ZAN: variants seen among roughly 807,000 people sequenced by gnomAD.
ZAN encodes zonadhesin (gene/pseudogene).
In ZAN, 260 loss-of-function variants were observed where a neutral mutation model predicts 286.2. The ratio of observed to expected loss-of-function variants is 0.91; its 90% CI spans 0.82 to 1.01. The LOEUF is 1.01. ZAN is among the 50% of genes least tolerant of loss of function. The pLI is 0.00. For missense variants in ZAN, 3,410 were observed against 3,639.2 expected, an observed-to-expected ratio of 0.94 and a Z score of 1.62; for synonymous variants, 1,368 against 1,417.5, an observed-to-expected ratio of 0.97 and a Z score of 0.79.
At chr7:100,764,415 A>G (rs1236721115) in intron 22 of ZAN, among the ~76,000 whole-genome samples, 2 of 152,110 alleles carry the variant, frequency 1.3e-5, no homozygotes, top group Non-Finnish European at 2.9e-5. Context: ...GAATCGCTTG[A>G]ACCCGGGAGG....
At chr7:100,775,037 C>T (rs1378830597) in intron 31 of ZAN, among the ~76,000 whole-genome samples, 1 of 152,176 alleles carries the variant, frequency 6.6e-6, no homozygotes, top group Non-Finnish European at 1.5e-5. Context: ...AAGCGATTCT[C>T]CTGCCTCAGC....
At chr7:100,747,481 T>G in intron 8 of ZAN, 69 bp from the exon 9 acceptor site, 1 of 1,319,836 alleles carries the variant, frequency 7.6e-7, no homozygotes, top group East Asian at 2.3e-5. Context: ...CTCATCCTCC[T>G]AGGTATAGTT....
At chr7:100,738,350 C>A in intron 6 of ZAN, 111 bp from the exon 7 acceptor site, 1 of 1,074,950 alleles carries the variant, frequency 9.3e-7, no homozygotes, top group South Asian at 1.4e-5. Context: ...TCCAGGAGTT[C>A]GAGGCCGCAG....
Position 100,788,093 on chromosome 7 carries a change from T to C in ZAN, c.7184T>C (p.Val2395Ala). The change falls in exon 38 of 48, where the codon GTC becomes GCC. Residue 2395 changes from valine (V) to alanine (A), a missense_variant. By Grantham distance (64) the Val-to-Ala change is moderately conservative. Transcript: ENST00000613979. Reference protein sequence around the residue: ...SIFLQEVITTVYGYKVQLQAG... With the variant: ...SIFLQEVITTAYGYKVQLQAG... Reference sequence around the variant, plus strand: ...TTCTTGCAGGAAGTGATTACCACCGTCTACGGCTATAAAGTGCAGCTCCAA... The same window carrying C: ...TTCTTGCAGGAAGTGATTACCACCGCCTACGGCTATAAAGTGCAGCTCCAA... 6.4e-7 allele frequency: 1 copy of C among 1,565,964 alleles called. No homozygotes were observed.
rs1286862576 is a variant in ZAN at position 100,767,066 on chromosome 7, T to G, written c.4669T>G (p.Leu1557Val). The change falls in exon 25 of 48, where the codon TTG becomes GTG. Residue 1557 changes from leucine to valine, a missense_variant. Transcript: ENST00000613979. ...DPHYLTFDGA[L>V]HHFMGTCTYV... is the part of the protein sequence containing the mutation. Reference sequence around the variant, plus strand: ...CCACTACCTGACCTTCGATGGCGCCTTGCACCACTTCATGGGCACCTGCAC... The same window carrying G: ...CCACTACCTGACCTTCGATGGCGCCGTGCACCACTTCATGGGCACCTGCAC... 1 of 1,613,798 alleles carries G rather than the reference T, an allele frequency of 6.2e-7. No individual in the cohort carries two copies. The highest frequency in any genetic ancestry group is 8.5e-7 in the Non-Finnish European group (1 of 1,179,818).
At chr7:100,793,326 G>A (rs1184362273) in intron 42 of ZAN, among the ~76,000 whole-genome samples, 1 of 151,658 alleles carries the variant, frequency 6.6e-6, no homozygotes, top group Non-Finnish European at 1.5e-5. Flanking sequence ...CTGGGCAACA[G>A]AGTGACTCCA....
At chr7:100,751,135 G>A in intron 12 of ZAN, 47 bp from the exon 13 acceptor site, 1 of 1,482,992 alleles carries the variant, frequency 6.7e-7, no homozygotes, top group East Asian at 2.3e-5. Flanking sequence ...AGTTGCTGGA[G>A]ATTCATTTTT....
At chr7:100,760,647 T>C (rs746188251) in intron 19 of ZAN, 111 bp downstream of exon 19, 67 of 1,455,266 alleles carry the variant, frequency 4.6e-5, no homozygotes, top group Non-Finnish European at 6.1e-5. Flanking sequence ...CTGGCACCAC[T>C]ACTTGATCCT....
At chr7:100,796,159 C>G (rs941256904) in intron 45 of ZAN, among the ~76,000 whole-genome samples, 1 of 152,078 alleles carries the variant, frequency 6.6e-6, no homozygotes, top group Admixed American at 6.6e-5. Context: ...GTGAAATCTT[C>G]TCTCTGAAGC....
chr7:100,749,677 C>T (rs767377988), intron 11 of ZAN, among the ~76,000 whole-genome samples: 2,036 of 127,444 alleles, frequency 0.016, 26 homozygotes, highest in Non-Finnish European at 0.02. Context: ...TATATATATA[C>T]ACACACACAC....
chr7:100,778,943 G>C (rs561885087), intron 34 of ZAN, among the ~76,000 whole-genome samples: 14 of 151,524 alleles, frequency 9.2e-5, no homozygotes, highest in African/African-American at 3.4e-4. Context: ...TAAGGCAGGA[G>C]AATCGCTTTA....
At chr7:100,751,594 G>A in intron 13 of ZAN, 118 bp from the exon 14 acceptor site, 1 of 1,121,068 alleles carries the variant, frequency 8.9e-7, no homozygotes, top group Non-Finnish European at 1.2e-6. Context: ...TGGGGTTTGG[G>A]AGTAGAAAGA....
Position 100,775,874 on chromosome 7 carries a change from C to T in ZAN, c.6192+41C>T, listed in dbSNP as rs1244602152. ...GGCTCTTCTCGCTGGGGAGGCAGCCCCAGGGAGATTGGTGGCCGGCAGGGA... is the reference window on the plus strand; with the variant it reads ...GGCTCTTCTCGCTGGGGAGGCAGCCTCAGGGAGATTGGTGGCCGGCAGGGA... On this transcript the variant is annotated intron_variant, in intron 33 of 47. Transcript: ENST00000613979. 3 of 1,602,362 alleles carry T rather than the reference C, an allele frequency of 1.9e-6. No individual in the cohort carries two copies. In the Admixed American group the frequency reaches 5.1e-5, roughly 27 times the overall value.
At position 100,758,558 on chromosome 7, in the gene ZAN, G is replaced by C. The variant is rs1441800391; in HGVS notation, c.3479G>C (p.Gly1160Ala). Residue 1160 changes from glycine to alanine, a missense_variant, in exon 17 of 48, where the codon GGA becomes GCA. Gly to Ala is a moderately conservative substitution (Grantham distance 60, BLOSUM62 0). Coordinates refer to ENST00000613979, the MANE Select transcript of ZAN (RefSeq NM_003386.3). ...GGCACTGCCACCTGCTTGGTCTACGGAGACCCTCATTATGTCACCTTTGAC... is the reference window on the plus strand; with the variant it reads ...GGCACTGCCACCTGCTTGGTCTACGCAGACCCTCATTATGTCACCTTTGAC... ...YAGTATCLVY[G>A]DPHYVTFDGR... 6.4e-7 allele frequency: 1 copy of C among 1,563,828 alleles called. No homozygotes were observed. Among genetic ancestry groups the C allele is most frequent in the Admixed American group, 1.9e-5 (1 of 52,304 alleles).
intron 33 of ZAN, 82 bp downstream of exon 33, chr7:100,775,915 G>A: frequency 8.4e-6 from 13 of 1,540,156 alleles, no homozygotes; most frequent in South Asian, 1.3e-5. Context: ...GGCAGTGTTC[G>A]CATCGTGCCT....
rs750922272 is a variant in ZAN, at chr7:100,791,007, C to G, written c.7423C>G (p.Arg2475Gly). Residue 2475 changes from arginine (R) to glycine (G), a missense_variant, in exon 40 of 48, where the codon CGC (arginine) becomes GGC (glycine). Arg to Gly is a moderately radical substitution (Grantham distance 125). Transcript: ENST00000613979. Reference sequence around the variant, plus strand: ...CCTGTGCGGAAACTACGACAAGAACCGCAAGAATGACATGATGCTGCCCAG... The same window carrying G: ...CCTGTGCGGAAACTACGACAAGAACGGCAAGAATGACATGATGCTGCCCAG... ...SGLCGNYDKNRKNDMMLPSGA... is the reference protein window; with the variant it reads ...SGLCGNYDKNGKNDMMLPSGA... 1 of 1,612,328 alleles carries G rather than the reference C, an allele frequency of 6.2e-7. No individual in the cohort carries two copies. Among genetic ancestry groups the G allele is most frequent in the Non-Finnish European group, 8.5e-7 (1 of 1,179,328 alleles).
intron 14 of ZAN, among the ~76,000 whole-genome samples, chr7:100,754,195 ACG>A (rs1808987666): frequency 6.6e-6 from 1 of 152,114 alleles, no homozygotes. Context: ...ACGGTGGCTC[ACG>A]CCTGTAATCC....
At chr7:100,762,678 GC>G (rs2115988585) in intron 20 of ZAN, among the ~76,000 whole-genome samples, 1 of 151,442 alleles carries the variant, frequency 6.6e-6, no homozygotes, top group Admixed American at 6.6e-5. Context: ...ACCTGCCTTG[GC>G]CTCTCAAAGT....
At chr7:100,746,848 G>A (rs1808255770) in intron 8 of ZAN, 146 bp downstream of exon 8, 3 of 1,069,016 alleles carry the variant, frequency 2.8e-6, no homozygotes, top group African/African-American at 1.6e-5. Flanking sequence ...ATCATGGCTG[G>A]GAGGGCACTT....
Sources: allele counts gnomAD v4.1 joint callset (sites outside exome capture counted in the v4.1 genomes callset), GRCh38; gene constraint gnomAD v4.1.1; transcripts MANE v1.5; gene names NCBI Gene and HGNC (gene_info 2026-07-23, HGNC 2026-07-21).